The following NTNG1 variants were observed in gnomAD, a reference collection of about 807,000 sequenced individuals.
NTNG1 encodes netrin-G1.
In NTNG1, 16 loss-of-function variants were observed where a neutral mutation model predicts 54.0. The observed-to-expected ratio is 0.30, with a 90% CI of 0.20 to 0.45. The LOEUF (loss-of-function observed/expected upper bound fraction) is 0.45, where lower values mean the gene tolerates loss of function less well. NTNG1 is among the 20% of genes least tolerant of loss of function. The pLI, the probability that NTNG1 is intolerant of heterozygous loss-of-function variation, is 1.00. For synonymous variants in NTNG1, 255 were observed against 263.1 expected (o/e 0.97, Z 0.30); for missense variants, 530 against 678.7 (o/e 0.78, Z 2.43).
intron 3 of NTNG1, among the ~76,000 whole-genome samples, chr1:107,361,234 CAT>C (rs963300646): frequency 6.1e-4 from 83 of 135,648 alleles, no homozygotes; most frequent in South Asian, 4.7e-4. Flanking sequence ...ATAAAATAAA[CAT>C]ATAAATTATT....
intron 7 of NTNG1, among the ~76,000 whole-genome samples, chr1:107,453,970 A>T (rs1050074706): frequency 6.6e-6 from 1 of 152,082 alleles, no homozygotes; most frequent in East Asian, 1.9e-4. Context: ...CTTGCCCCAC[A>T]TGCCACACCA....
At chr1:107,327,759 G>C (rs1668049114) in intron 3 of NTNG1, among the ~76,000 whole-genome samples, 1 of 152,098 alleles carries the variant, frequency 6.6e-6, no homozygotes, top group African/African-American at 2.4e-5. Flanking sequence ...AAGTAGAATG[G>C]AGACCAGATG....
intron 4 of NTNG1, among the ~76,000 whole-genome samples, chr1:107,398,561 T>A (rs35183074): frequency 0.14 from 20,611 of 152,174 alleles, 1,554 homozygotes; most frequent in Middle Eastern, 0.24. Context: ...CCCCAGTCTG[T>A]GAGACACACC....
intron 2 of NTNG1, among the ~76,000 whole-genome samples, chr1:107,209,118 A>T (rs545686750): frequency 6.6e-6 from 1 of 150,676 alleles, no homozygotes; most frequent in African/African-American, 2.4e-5. Flanking sequence ...TGCATTTTCT[A>T]TTTCCTTACC....
Position 107,213,028 on chromosome 1 carries a change from A to G in NTNG1, c.246+64189A>G, listed in dbSNP as rs1659696521. Among the ~76,000 whole-genome samples, 3 of 151,552 alleles carry G rather than the reference A, an allele frequency of 2.0e-5. No homozygotes were observed. In the South Asian group the frequency reaches 6.3e-4, roughly 32 times the overall value. On this transcript the variant is annotated intron_variant, in intron 2 of 7. Coordinates refer to ENST00000370068, the MANE Select transcript of NTNG1 (RefSeq NM_001113226.3). Reference sequence around the variant, plus strand: ...TGGTGAATGCTAAGATTTATAGTCGAACATATCCTGAGGTGATTTGAAAAC... The same window carrying G: ...TGGTGAATGCTAAGATTTATAGTCGGACATATCCTGAGGTGATTTGAAAAC...
At chr1:107,310,952 G>A (rs1225027051) in intron 2 of NTNG1, among the ~76,000 whole-genome samples, 1 of 151,988 alleles carries the variant, frequency 6.6e-6, no homozygotes, top group Non-Finnish European at 1.5e-5. Flanking sequence ...GTCTCTGAGG[G>A]GTAAGTTTCA....
At chr1:107,197,275 C>T (rs972902501) in intron 2 of NTNG1, among the ~76,000 whole-genome samples, 8 of 151,962 alleles carry the variant, frequency 5.3e-5, no homozygotes, top group Non-Finnish European at 1.0e-4. Context: ...TAGGTCTCTG[C>T]TGGCTTACTG....
intron 2 of NTNG1, among the ~76,000 whole-genome samples, chr1:107,270,268 A>T (rs971843735): frequency 3.9e-5 from 6 of 152,184 alleles, no homozygotes; most frequent in African/African-American, 1.2e-4. Context: ...CTGTTTTATT[A>T]TTTCCACAGA....
intron 2 of NTNG1, among the ~76,000 whole-genome samples, chr1:107,177,800 CT>C (rs1164750035): frequency 6.6e-6 from 1 of 151,962 alleles, no homozygotes; most frequent in Non-Finnish European, 1.5e-5. Flanking sequence ...TTTTTCTTCC[CT>C]TTTTTCCATT....
chr1:107,165,043 C>A (rs4523537), intron 2 of NTNG1, among the ~76,000 whole-genome samples: 1 of 151,830 alleles, frequency 6.6e-6, no homozygotes, highest in Non-Finnish European at 1.5e-5. Flanking sequence ...GCGGGAAGGG[C>A]GGTTACAGAA....
At chr1:107,440,837 T>C (rs1218173779) in intron 7 of NTNG1, among the ~76,000 whole-genome samples, 1 of 152,194 alleles carries the variant, frequency 6.6e-6, no homozygotes, top group Non-Finnish European at 1.5e-5. Flanking sequence ...AGGCCACCAA[T>C]TATGTACTGT....
chr1:107,167,591 T>G (rs1655902079), intron 2 of NTNG1, among the ~76,000 whole-genome samples: 1 of 151,776 alleles, frequency 6.6e-6, no homozygotes, highest in Non-Finnish European at 1.5e-5. Flanking sequence ...GAAACTGAGG[T>G]GAAGAGGTTA....
intron 3 of NTNG1, among the ~76,000 whole-genome samples, chr1:107,391,959 G>T (rs536431638): frequency 6.6e-6 from 1 of 152,158 alleles, no homozygotes; most frequent in Non-Finnish European, 1.5e-5. Flanking sequence ...TGCCAGATTA[G>T]ATGTGGTAGG....
intron 7 of NTNG1, among the ~76,000 whole-genome samples, chr1:107,463,473 A>G (rs1677404409): frequency 6.6e-6 from 1 of 151,658 alleles, no homozygotes; most frequent in African/African-American, 2.4e-5. Flanking sequence ...CAAAATTTTC[A>G]TCTTATTAGT....
intron 3 of NTNG1, among the ~76,000 whole-genome samples, chr1:107,333,483 G>T (rs1181123339): frequency 2.0e-5 from 3 of 151,938 alleles, no homozygotes; most frequent in African/African-American, 7.2e-5. Context: ...CTACAGTAAA[G>T]AAACATTTCT....
intron 2 of NTNG1, among the ~76,000 whole-genome samples, chr1:107,178,031 G>A (rs1042784884): frequency 2.0e-5 from 3 of 152,120 alleles, no homozygotes; most frequent in Non-Finnish European, 2.9e-5. Context: ...GCTGTCAGCC[G>A]TATTTTTATT....
At chr1:107,208,947 G>A (rs998530696) in intron 2 of NTNG1, among the ~76,000 whole-genome samples, 1 of 152,022 alleles carries the variant, frequency 6.6e-6, no homozygotes, top group African/African-American at 2.4e-5. Context: ...TGTCTCGTTG[G>A]TAAATACAGC....
Position 107,480,621 on chromosome 1 carries a change from C to T in NTNG1, c.1401C>T (p.Cys467=), listed in dbSNP as rs1422585876. ...CCCCTCATTCTGCAGCGAATGTCTG[C>T]GACAACGAGCTCCTGCACTGCCAGA... The part of the protein sequence containing the change: ...SWHYGCQPNV[C]DNELLHCQNG... Residue 467 remains cysteine (C), a synonymous_variant, in exon 8 of 8, where the codon TGC becomes TGT. Transcript: ENST00000370068. The T allele has an allele frequency of 1.7e-6, 2 of 1,177,550 alleles. No homozygotes were observed. The highest frequency in any genetic ancestry group is 1.3e-5 in the South Asian group (1 of 77,870). The allele number at this position is 1,177,550 out of a possible 1,614,324, so 72.9% of individuals were successfully genotyped here. A position where few individuals can be genotyped will look rare whatever the true frequency, so the allele number is the denominator to read the frequency against.
intron 2 of NTNG1, among the ~76,000 whole-genome samples, chr1:107,317,359 T>C (rs1235640437): frequency 2.0e-5 from 3 of 152,174 alleles, no homozygotes; most frequent in African/African-American, 4.8e-5. Context: ...GAAACCCTTA[T>C]TAGTGATTTT....
Sources: allele counts gnomAD v4.1 joint callset (sites outside exome capture counted in the v4.1 genomes callset), GRCh38; gene constraint gnomAD v4.1.1; transcripts MANE v1.5; gene names NCBI Gene and HGNC (gene_info 2026-07-23, HGNC 2026-07-21).